The following ANO3 variants were observed in gnomAD, a reference collection of about 807,000 sequenced individuals.
The protein encoded by ANO3 is anoctamin-3.
In ANO3, 99 loss-of-function variants were observed where a neutral mutation model predicts 144.8. That is an observed-to-expected ratio of 0.68 (90% CI 0.58 to 0.81). The LOEUF is 0.81. Among genes scored for constraint, ANO3 ranks in the 30% least tolerant of loss-of-function variants. The pLI, the probability that ANO3 is intolerant of heterozygous loss-of-function variation, is 0.00. For missense variants in ANO3, 905 were observed against 1,202.2 expected (o/e 0.75, Z 3.66); for synonymous variants, 414 against 392.6 (o/e 1.05, Z -0.64).
chr11:26,505,241 C>T (rs1184848141), intron 4 of ANO3, among the ~76,000 whole-genome samples: 1 of 152,010 alleles, frequency 6.6e-6, no homozygotes, highest in East Asian at 1.9e-4. Flanking sequence ...AAAAAAAAGA[C>T]GATTCAAAAT....
chr11:26,660,116 T>G (rs1853832288), intron 26 of ANO3, 146 bp from the exon 27 acceptor site: 1 of 644,954 alleles, frequency 1.6e-6, no homozygotes, highest in African/African-American at 1.9e-5. Context: ...TCAATATAAT[T>G]TTTGAAAATA....
Position 26,228,220 on chromosome 11 carries a change from T to A in ANO3, c.154+38890T>A, listed in dbSNP as rs552130992. ...TGTCAAAATGTCAAATGTACTGCTCTGTTTTTATGGCTTCTACGACCCACA... is the reference window on the plus strand; with the variant it reads ...TGTCAAAATGTCAAATGTACTGCTCAGTTTTTATGGCTTCTACGACCCACA... On this transcript the variant is annotated intron_variant, in intron 1 of 27. Transcript: ENST00000672621. Among the ~76,000 whole-genome samples the A allele has an allele frequency of 5.9e-5, 9 of 152,380 alleles. No individual in the cohort carries two copies. In the South Asian group the frequency reaches 1.9e-3, roughly 32 times the overall value.
In ANO3 at chr11:26,492,364, A is replaced by C. The variant is rs888768498; in HGVS notation, c.433-15740A>C. Among the ~76,000 whole-genome samples the C allele has an allele frequency of 2.0e-5, 3 of 152,182 alleles. 1 individual carries two copies. Among genetic ancestry groups the C allele is most frequent in the African/African-American group, 7.2e-5 (3 of 41,452 alleles). On this transcript the variant is annotated intron_variant, in intron 4 of 26. Transcript: ENST00000256737. ...TTGCATGTTCCTAATCCTATGGGTC[A>C]TTCTACTTATATAATGTCTGATTAG...
intron 14 of ANO3, 148 bp downstream of exon 14, chr11:26,559,927 T>C (rs1005746503): frequency 2.2e-4 from 136 of 605,716 alleles, no homozygotes; most frequent in Non-Finnish European, 4.1e-5. Flanking sequence ...ATTTGTTTGC[T>C]CTCTTCATAT....
chr11:26,211,997 G>A (rs182395420), intron 1 of ANO3, among the ~76,000 whole-genome samples: 1 of 152,116 alleles, frequency 6.6e-6, no homozygotes, highest in Non-Finnish European at 1.5e-5. Flanking sequence ...TGATAAGTGG[G>A]AGTTGAACAA....
chr11:26,289,022 A>G lies in ANO3; in HGVS notation c.155-20623A>G, dbSNP rs1853873157. Among the ~76,000 whole-genome samples the G allele has an allele frequency of 2.6e-5, 4 of 152,306 alleles. No individual in the cohort carries two copies. In the South Asian group the frequency reaches 8.3e-4, roughly 32 times the overall value. ...ACTCTATTTAATATTACATTCATTC[A>G]ACAACTATGGAGTGCCTACTGTCAA... On this transcript the variant is annotated intron_variant, in intron 1 of 27. Transcript: ENST00000672621.
At chr11:26,372,901 G>T (rs1390310582) in intron 1 of ANO3, among the ~76,000 whole-genome samples, 2 of 151,938 alleles carry the variant, frequency 1.3e-5, no homozygotes, top group East Asian at 3.9e-4. Context: ...CAAACATGTT[G>T]TGTGGAAGTA....
At chr11:26,550,096 A>T (rs887029039) in intron 12 of ANO3, among the ~76,000 whole-genome samples, 36 of 151,838 alleles carry the variant, frequency 2.4e-4, no homozygotes, top group African/African-American at 8.0e-4. Context: ...CAGGCAATAT[A>T]TCTAGTAAGT....
intron 18 of ANO3, among the ~76,000 whole-genome samples, chr11:26,627,219 G>A (rs947354562): frequency 6.6e-6 from 1 of 151,956 alleles, no homozygotes; most frequent in South Asian, 2.1e-4. Context: ...GTTGGATATA[G>A]CAATGAACAT....
Position 26,223,551 on chromosome 11 carries a change from G to A in ANO3, c.154+34221G>A, listed in dbSNP as rs138882675. Among the ~76,000 whole-genome samples the A allele has an allele frequency of 4.7e-5, 7 of 148,162 alleles. No individual in the cohort carries two copies. In the East Asian group the frequency reaches 1.4e-3, roughly 30 times the overall value. ...CATTTCTGGATATCCTTATAGCAAT[G>A]CCTCACTCCACAGTACCAATTTTCT... On this transcript the variant is annotated intron_variant, in intron 1 of 27. Coordinates refer to the ANO3 transcript ENST00000672621.
intron 17 of ANO3, among the ~76,000 whole-genome samples, chr11:26,605,171 A>T (rs974995963): frequency 4.6e-5 from 7 of 152,134 alleles, no homozygotes; most frequent in African/African-American, 1.7e-4. Flanking sequence ...TATTGAGATA[A>T]CCAAGACAAA....
intron 1 of ANO3, among the ~76,000 whole-genome samples, chr11:26,239,735 C>T (rs920575217): frequency 5.5e-4 from 83 of 152,112 alleles, no homozygotes; most frequent in African/African-American, 1.9e-3. Context: ...AGCTGAGTAA[C>T]GGGCACGTAG....
At chr11:26,254,024 G>T (rs1477344981) in intron 1 of ANO3, among the ~76,000 whole-genome samples, 1 of 152,152 alleles carries the variant, frequency 6.6e-6, no homozygotes, top group East Asian at 1.9e-4. Context: ...CCTGCAAGCT[G>T]CAATTTTGTT....
At chr11:26,586,178 G>T (rs1157031828) in intron 14 of ANO3, among the ~76,000 whole-genome samples, 1 of 152,054 alleles carries the variant, frequency 6.6e-6, no homozygotes, top group African/African-American at 2.4e-5. Context: ...ATGGGGTATT[G>T]TTCCTGGAGA....
chr11:26,223,195 C>T (rs546586725), intron 1 of ANO3, among the ~76,000 whole-genome samples: 4 of 152,192 alleles, frequency 2.6e-5, no homozygotes, highest in Non-Finnish European at 5.9e-5. Context: ...ATCTTGAATT[C>T]TTTACTACTT....
chr11:26,296,531 T>C (rs1854093596), intron 1 of ANO3, among the ~76,000 whole-genome samples: 1 of 152,190 alleles, frequency 6.6e-6, no homozygotes, highest in Non-Finnish European at 1.5e-5. Context: ...GATTTCCTCC[T>C]TGAATCTGAG....
intron 14 of ANO3, among the ~76,000 whole-genome samples, chr11:26,586,636 G>A (rs1340339663): frequency 6.6e-6 from 1 of 151,130 alleles, no homozygotes; most frequent in East Asian, 2.0e-4. Context: ...CCGAGTAGCT[G>A]GGACTACAGG....
At chr11:26,344,208 G>A (rs1855439311) in intron 1 of ANO3, among the ~76,000 whole-genome samples, 2 of 152,028 alleles carry the variant, frequency 1.3e-5, no homozygotes, top group African/African-American at 4.8e-5. Context: ...AAAAAGAATT[G>A]TATTAAAATA....
chr11:26,276,179 A>G (rs1017536185), intron 1 of ANO3, among the ~76,000 whole-genome samples: 1 of 152,160 alleles, frequency 6.6e-6, no homozygotes, highest in African/African-American at 2.4e-5. Context: ...CCCATTTTTC[A>G]TATCGGTATC....
Sources: gnomAD v4.1 joint callset for allele counts (sites outside exome capture counted in the v4.1 genomes callset) on GRCh38, gnomAD v4.1.1 for gene constraint, MANE v1.5 for transcripts, NCBI Gene and HGNC (gene_info 2026-07-23, HGNC 2026-07-21) for gene names.